GADL1: variants seen among roughly 807,000 people sequenced by gnomAD.
GADL1 encodes the protein GAD like acidic amino acid decarboxylase 1.
A neutral mutation model predicts 69.5 loss-of-function variants in GADL1; 71 were observed. The ratio of observed to expected loss-of-function variants is 1.02; its 90% CI spans 0.84 to 1.25. The LOEUF is 1.25. Among genes scored for constraint, GADL1 ranks in the 50% most tolerant of loss-of-function variants. The probability of loss-of-function intolerance (pLI) is 0.00; values close to 1 mark genes in which losing one functional copy is unlikely to be tolerated. For synonymous variants in GADL1, 254 were observed against 214.4 expected (o/e 1.18, Z -1.62); for missense variants, 737 against 631.8 (o/e 1.17, Z -1.79).
At position 30,728,241 on chromosome 3, in the gene GADL1, G is replaced by T. The variant is rs1308232251; in HGVS notation, c.*1C>A. The T allele has an allele frequency of 3.1e-6, 5 of 1,612,828 alleles. No homozygotes were observed. Among genetic ancestry groups the T allele is most frequent in the Non-Finnish European group, 3.4e-6 (4 of 1,179,114 alleles). On this transcript the variant is annotated 3_prime_UTR_variant, in exon 15 of 15. Coordinates refer to ENST00000282538, the MANE Select transcript of GADL1 (RefSeq NM_207359.3). ...ATGCCTCTGGGGGACCAAAGCCACA[G>T]CTACATGTCTTTACCCAGTAAGTCT...
chr3:30,758,396 T>G (rs1049719054), intron 14 of GADL1, among the ~76,000 whole-genome samples: 5 of 131,546 alleles, frequency 3.8e-5, no homozygotes, highest in African/African-American at 1.5e-4. Context: ...TCCTACACTT[T>G]GCTCCGTATT....
chr3:30,777,708 T>C (rs1293701962), intron 14 of GADL1, among the ~76,000 whole-genome samples: 2 of 152,240 alleles, frequency 1.3e-5, no homozygotes, highest in African/African-American at 2.4e-5. Context: ...TGAAACCCAC[T>C]GCTTAGCATC....
chr3:30,882,822 C>T (rs1356811241), intron 1 of GADL1, among the ~76,000 whole-genome samples: 1 of 151,036 alleles, frequency 6.6e-6, no homozygotes, highest in Admixed American at 6.6e-5. Context: ...CTCTCCAGCA[C>T]TTGTTATTTT....
chr3:30,888,697 G>A (rs1298466961), intron 1 of GADL1, among the ~76,000 whole-genome samples: 4 of 152,088 alleles, frequency 2.6e-5, no homozygotes, highest in Admixed American at 2.0e-4. Flanking sequence ...TAACAACAAG[G>A]AGACAGTCTC....
chr3:30,759,490 TTGA>T lies in GADL1; in HGVS notation c.1392+18686_1392+18688del, dbSNP rs540021514. ...GGAAGGTGCTATGTCATTTTCACCT[TTGA>T]TATTTCCCATAGTGCTTGGCACAAA... On this transcript the variant is annotated intron_variant, in intron 14 of 14. Transcript: ENST00000282538. 8.5e-5 allele frequency among the ~76,000 whole-genome samples: 13 copies of T among 152,330 alleles called. No individual in the cohort carries two copies. The South Asian group carries it at 2.5e-3, about 29-fold the overall frequency.
intron 1 of GADL1, among the ~76,000 whole-genome samples, chr3:30,870,081 C>A (rs1698459519): frequency 6.6e-6 from 1 of 151,736 alleles, no homozygotes; most frequent in African/African-American, 2.4e-5. Context: ...GTATAGAACT[C>A]TGTGTAAGGC....
At chr3:30,778,357 CAA>C (rs758768026) in intron 13 of GADL1, 89 bp from the exon 14 acceptor site, 200 of 802,702 alleles carry the variant, frequency 2.5e-4, no homozygotes, top group Non-Finnish European at 4.0e-4. Context: ...CTAGTTTCTT[CAA>C]GAGTTATCAT....
intron 1 of GADL1, among the ~76,000 whole-genome samples, chr3:30,887,316 G>A (rs887989901): frequency 2.0e-5 from 3 of 152,184 alleles, no homozygotes; most frequent in Admixed American, 1.3e-4. Context: ...AAGAGGTGGG[G>A]CCTTTAAGAG....
At chr3:30,763,476 TG>T (rs1219559748) in intron 14 of GADL1, among the ~76,000 whole-genome samples, 1 of 107,444 alleles carries the variant, frequency 9.3e-6, no homozygotes, top group Non-Finnish European at 1.7e-5. Context: ...CACTCCAGCC[TG>T]GGCGACAGAG....
In GADL1 at chr3:30,844,221, CT is replaced by C; in HGVS notation, c.774del (p.Ala259ProfsTer29). 1 of 1,612,626 alleles carries C rather than the reference CT, an allele frequency of 6.2e-7. No individual in the cohort carries two copies. The highest frequency in any genetic ancestry group is 8.5e-7 in the Non-Finnish European group (1 of 1,179,338). On this transcript the variant is annotated frameshift_variant, in exon 8 of 15. Coordinates refer to ENST00000282538, the MANE Select transcript of GADL1 (RefSeq NM_207359.3). LOFTEE classifies it high-confidence loss of function. ...IPEELEKQVW[Q>X]ARKEGAAPFL... ...TTCTCCCCTCTCACCTCTTTTCTGG[CT>C]TGCCAGACTTGCTTCTCCAGTTCCT...
At chr3:30,783,158 C>T (rs1696705714) in intron 13 of GADL1, among the ~76,000 whole-genome samples, 1 of 152,166 alleles carries the variant, frequency 6.6e-6, no homozygotes, top group African/African-American at 2.4e-5. Flanking sequence ...CCTCGAAGAT[C>T]TTCTATAACT....
intron 14 of GADL1, among the ~76,000 whole-genome samples, chr3:30,767,483 CATA>C (rs1475402930): frequency 7.9e-5 from 12 of 152,134 alleles, no homozygotes; most frequent in Admixed American, 5.2e-4. Context: ...CATAAGACCC[CATA>C]ATAAAGTGTT....
intron 14 of GADL1, among the ~76,000 whole-genome samples, chr3:30,753,161 C>T (rs536265498): frequency 7.9e-5 from 12 of 152,012 alleles, no homozygotes; most frequent in Admixed American, 1.3e-4. Flanking sequence ...AGTAACCTTG[C>T]GAAATATTAA....
chr3:30,775,268 G>A (rs1229154005), intron 14 of GADL1, among the ~76,000 whole-genome samples: 3 of 152,198 alleles, frequency 2.0e-5, no homozygotes, highest in Non-Finnish European at 4.4e-5. Context: ...TCGCACCAGC[G>A]ATTCTGAAAT....
intron 11 of GADL1, among the ~76,000 whole-genome samples, chr3:30,806,317 T>C (rs916023899): frequency 1.3e-5 from 2 of 152,194 alleles, no homozygotes; most frequent in East Asian, 1.9e-4. Context: ...AGCACTATCA[T>C]GCCAGGAGCC....
chr3:30,809,645 C>CTT (rs1697317170), intron 11 of GADL1, among the ~76,000 whole-genome samples: 2 of 152,116 alleles, frequency 1.3e-5, no homozygotes, highest in Non-Finnish European at 2.9e-5. Flanking sequence ...CACTTCCTTC[C>CTT]CATGATCTCT....
At chr3:30,789,813 C>A (rs1230479575) in intron 12 of GADL1, among the ~76,000 whole-genome samples, 1 of 152,170 alleles carries the variant, frequency 6.6e-6, no homozygotes, top group Admixed American at 6.5e-5. Flanking sequence ...TCTTCCACAC[C>A]TCTCTCAGCC....
intron 12 of GADL1, chr3:30,799,837 A>T (rs958343200): frequency 6.6e-6 from 1 of 152,244 alleles, no homozygotes; most frequent in African/African-American, 2.4e-5. Context: ...AATCTCTAGG[A>T]CAGGGGCAAA....
At position 30,727,248 on chromosome 3, in the gene GADL1, AAAG is replaced by A. The variant is rs1357058312; in HGVS notation, c.*991_*993del. 6.6e-6 allele frequency: 1 copy of A among 150,954 alleles called. No individual in the cohort carries two copies. The highest frequency in any genetic ancestry group is 1.5e-5 in the Non-Finnish European group (1 of 67,782). 9.4% of individuals were successfully genotyped at this position (150,954 alleles called of 1,614,324 possible). ...AAGAAAATTAGTCATAGACGAAAAA[AAAG>A]AAAACCTTCCAGTTGTCTACCAAGA... is the stretch of plus-strand genomic sequence containing the variant. On this transcript the variant is annotated 3_prime_UTR_variant, in exon 15 of 15. Coordinates refer to ENST00000282538, the MANE Select transcript of GADL1 (RefSeq NM_207359.3).
Sources: allele counts gnomAD v4.1 joint callset (sites outside exome capture counted in the v4.1 genomes callset), GRCh38; gene constraint gnomAD v4.1.1; transcripts MANE v1.5; gene names NCBI Gene and HGNC (gene_info 2026-07-23, HGNC 2026-07-21).